COTL1: variants seen among roughly 807,000 people sequenced by gnomAD.
The protein encoded by COTL1 is coactosin like F-actin binding protein 1.
In COTL1, 15 loss-of-function variants were observed where a neutral mutation model predicts 16.5. That is an observed-to-expected ratio of 0.91 (90% CI 0.61 to 1.40). The LOEUF (loss-of-function observed/expected upper bound fraction) is 1.40. Among genes scored for constraint, COTL1 ranks in the 40% most tolerant of loss-of-function variants. COTL1 has a pLI of 0.00. For synonymous variants in COTL1, 112 were observed against 85.3 expected (o/e 1.31, Z -1.73); for missense variants, 220 against 201.5 (o/e 1.09, Z -0.56).
intron 3 of COTL1, among the ~76,000 whole-genome samples, chr16:84,569,585 A>G (rs747312157): frequency 1.3e-5 from 2 of 152,134 alleles, no homozygotes; most frequent in Non-Finnish European, 2.9e-5. Context: ...TTCAGCCCTC[A>G]GTATATTAAC....
At chr16:84,580,254 C>G (rs981354497) in intron 3 of COTL1, among the ~76,000 whole-genome samples, 2 of 152,182 alleles carry the variant, frequency 1.3e-5, no homozygotes, top group Non-Finnish European at 2.9e-5. Context: ...GTTTTTCCCT[C>G]TAAGACTTGT....
intron 2 of COTL1, among the ~76,000 whole-genome samples, chr16:84,614,394 TC>T (rs1415593435): frequency 6.6e-6 from 1 of 151,430 alleles, no homozygotes; most frequent in Non-Finnish European, 1.5e-5. Context: ...CCCGTGGCCC[TC>T]TGGAAAACAG....
At chr16:84,600,918 T>C (rs574008430) in intron 2 of COTL1, among the ~76,000 whole-genome samples, 2 of 152,314 alleles carry the variant, frequency 1.3e-5, no homozygotes, top group African/African-American at 4.8e-5. Context: ...GTTTTCCCCC[T>C]ATGACAAAGC....
intron 2 of COTL1, among the ~76,000 whole-genome samples, chr16:84,598,716 GA>G (rs1905055383): frequency 1.4e-5 from 2 of 141,118 alleles, no homozygotes; most frequent in Admixed American, 1.4e-4. Flanking sequence ...GGAAAGGCCA[GA>G]GGGGGTAAAG....
At chr16:84,573,258 T>C (rs1176466392) in intron 3 of COTL1, among the ~76,000 whole-genome samples, 1 of 152,282 alleles carries the variant, frequency 6.6e-6, no homozygotes, top group East Asian at 1.9e-4. Context: ...CCTCCGGGTA[T>C]ACGGCACACA....
At chr16:84,571,142 CCTG>C (rs1429623133) in intron 3 of COTL1, among the ~76,000 whole-genome samples, 19 of 152,280 alleles carry the variant, frequency 1.2e-4, no homozygotes, top group Non-Finnish European at 4.4e-5. Context: ...CAGACATGAG[CCTG>C]TTGGCTCCCT....
chr16:84,613,102 G>A (rs991810506), intron 2 of COTL1, among the ~76,000 whole-genome samples: 1 of 151,470 alleles, frequency 6.6e-6, no homozygotes, highest in African/African-American at 2.4e-5. Context: ...CTGGGTTCAA[G>A]TGATTCTCCC....
At chr16:84,598,983 C>T (rs2966321) in intron 2 of COTL1, among the ~76,000 whole-genome samples, 48,247 of 151,700 alleles carry the variant, frequency 0.32, 8,169 homozygotes, top group African/African-American at 0.45. Context: ...GCAAGAATTA[C>T]CTGTAATCAC....
Position 84,569,704 on chromosome 16 carries a change from G to A in COTL1, c.319-2749C>T, listed in dbSNP as rs552781860. Among the ~76,000 whole-genome samples the A allele has an allele frequency of 2.0e-5, 3 of 152,324 alleles. No individual in the cohort carries two copies. In the East Asian group the frequency reaches 5.8e-4, roughly 29 times the overall value. On this transcript the variant is annotated intron_variant, in intron 3 of 3. Coordinates refer to ENST00000262428, the MANE Select transcript of COTL1 (RefSeq NM_021149.5). ...TCCTTTCTGTTCCCACCCCACTACA[G>A]TGTGTTACTAAGTGTATGTGATCCG... is the stretch of plus-strand genomic sequence containing the variant.
intron 2 of COTL1, among the ~76,000 whole-genome samples, chr16:84,605,336 C>A (rs1370278511): frequency 6.6e-6 from 1 of 152,236 alleles, no homozygotes; most frequent in Middle Eastern, 3.2e-3. Context: ...AATGGGATAA[C>A]AACAGGGCCC....
At chr16:84,585,328 C>T (rs913066739) in intron 3 of COTL1, among the ~76,000 whole-genome samples, 3 of 142,024 alleles carry the variant, frequency 2.1e-5, no homozygotes, top group South Asian at 4.7e-4. Flanking sequence ...GTACTCCAGA[C>T]TGGGTGACAG....
intron 2 of COTL1, among the ~76,000 whole-genome samples, chr16:84,615,098 T>C (rs116513631): frequency 1.2e-3 from 176 of 152,300 alleles, no homozygotes; most frequent in African/African-American, 4.0e-3. Context: ...TTGAGTCCAT[T>C]GTCCCTGGGT....
At position 84,590,618 on chromosome 16, in the gene COTL1, G is replaced by C. The variant is rs1246743085; in HGVS notation, c.161-356C>G. On this transcript the variant is annotated intron_variant, in intron 2 of 3. Transcript: ENST00000262428. This position sits in a 1 kb window ranked among gnomAD's most constrained non-coding sequence, Gnocchi z 5.5. Reference sequence around the variant, plus strand: ...ACGCCTACAGCCTTCCTACAATCAAGGCTCAAAGTCTGGGTGGGCCCATTG... The same window carrying C: ...ACGCCTACAGCCTTCCTACAATCAACGCTCAAAGTCTGGGTGGGCCCATTG... 1 of 175,140 alleles carries C rather than the reference G, an allele frequency of 5.7e-6. No individual in the cohort carries two copies. The highest frequency in any genetic ancestry group is 2.4e-5 in the African/African-American group (1 of 42,384). 10.8% of individuals were successfully genotyped at this position (175,140 alleles called of 1,614,324 possible). A position where few individuals can be genotyped will look rare whatever the true frequency, so the allele number is the denominator to read the frequency against.
chr16:84,602,477 G>C (rs1042792087), intron 2 of COTL1, among the ~76,000 whole-genome samples: 1 of 151,936 alleles, frequency 6.6e-6, no homozygotes, highest in Admixed American at 6.5e-5. Flanking sequence ...CACCCCCAGA[G>C]AGCAGGAATG....
At chr16:84,587,336 C>T (rs1163192690) in intron 3 of COTL1, among the ~76,000 whole-genome samples, 3 of 152,180 alleles carry the variant, frequency 2.0e-5, no homozygotes, top group Non-Finnish European at 2.9e-5. Context: ...GATGCCCATA[C>T]CTTTTAAAAA....
chr16:84,612,345 A>G (rs116256335), intron 2 of COTL1, among the ~76,000 whole-genome samples: 2 of 152,128 alleles, frequency 1.3e-5, no homozygotes, highest in South Asian at 4.1e-4. Context: ...ACCCGGGCCA[A>G]GGGTCTAATG....
intron 3 of COTL1, among the ~76,000 whole-genome samples, chr16:84,588,502 T>G (rs1597174780): frequency 1.3e-5 from 2 of 152,286 alleles, no homozygotes; most frequent in African/African-American, 4.8e-5. Flanking sequence ...CCTATTTTTT[T>G]GTTTGTTTTT....
intron 3 of COTL1, among the ~76,000 whole-genome samples, chr16:84,577,347 C>T (rs1413591024): frequency 3.9e-5 from 6 of 152,280 alleles, no homozygotes; most frequent in African/African-American, 1.4e-4. Flanking sequence ...TAAGTTCAAG[C>T]GATTGTCCTG....
At chr16:84,596,466 G>A (rs1905008071) in intron 2 of COTL1, 1 of 152,240 alleles carries the variant, frequency 6.6e-6, no homozygotes, top group African/African-American at 2.4e-5. Context: ...GTTGGCTGAT[G>A]GGAATCATTG....
Sources: gnomAD v4.1 joint callset for allele counts (sites outside exome capture counted in the v4.1 genomes callset) on GRCh38, gnomAD v4.1.1 for gene constraint, Gnocchi (gnomAD v3.1) non-coding constraint, MANE v1.5 for transcripts, NCBI Gene and HGNC (gene_info 2026-07-23, HGNC 2026-07-21) for gene names.